The following RBFOX1 variants were observed in gnomAD, a reference collection of about 807,000 sequenced individuals.
RBFOX1 encodes RNA binding fox-1 homolog 1, also known as RNA binding protein fox-1 homolog 1.
A neutral mutation model predicts 57.7 loss-of-function variants in RBFOX1; 8 were observed. That is an observed-to-expected ratio of 0.14 (90% CI 0.08 to 0.25). The LOEUF (loss-of-function observed/expected upper bound fraction) is 0.25, where lower values mean the gene tolerates loss of function less well. RBFOX1 is among the 10% of genes least tolerant of loss of function. The probability of loss-of-function intolerance (pLI) is 1.00; values close to 1 mark genes in which losing one functional copy is unlikely to be tolerated. For missense variants in RBFOX1, 611 were observed against 548.5 expected (o/e 1.11, Z -1.14); for synonymous variants, 326 against 222.4 (o/e 1.47, Z -4.15).
intron 4 of RBFOX1, among the ~76,000 whole-genome samples, chr16:7,085,464 C>T (rs1374453206): frequency 6.6e-6 from 1 of 152,152 alleles, no homozygotes; most frequent in East Asian, 1.9e-4. Context: ...AAATGAACTG[C>T]ACCGTCAGGG....
intron 13 of RBFOX1, among the ~76,000 whole-genome samples, chr16:7,675,948 C>A (rs2073147382): frequency 6.6e-6 from 1 of 152,208 alleles, no homozygotes. Context: ...ACAGTTTGAT[C>A]ATCAACGCTC....
intron 3 of RBFOX1, among the ~76,000 whole-genome samples, chr16:6,678,193 G>T (rs572265669): frequency 6.6e-6 from 1 of 152,164 alleles, no homozygotes; most frequent in African/African-American, 2.4e-5. Flanking sequence ...GCACAATCTC[G>T]GTTCACTGCA....
chr16:5,759,986 C>G (rs1037443791), intron 3 of RBFOX1, among the ~76,000 whole-genome samples: 1 of 148,580 alleles, frequency 6.7e-6, no homozygotes, highest in African/African-American at 2.5e-5. Flanking sequence ...TTGTAGATGG[C>G]TATAAATATC....
At chr16:6,719,443 C>T (rs971349687) in intron 3 of RBFOX1, among the ~76,000 whole-genome samples, 4 of 137,858 alleles carry the variant, frequency 2.9e-5, no homozygotes, top group Admixed American at 1.4e-4. Flanking sequence ...TCAAAATAAC[C>T]TGTTTTTTTT....
At chr16:6,705,387 G>T (rs181079549) in intron 3 of RBFOX1, 1 of 152,270 alleles carries the variant, frequency 6.6e-6, no homozygotes, top group African/African-American at 2.4e-5. Flanking sequence ...GCTTAATTGG[G>T]ACACAGATGG....
At chr16:7,471,806 T>C (rs1647510954) in intron 4 of RBFOX1, among the ~76,000 whole-genome samples, 1 of 152,228 alleles carries the variant, frequency 6.6e-6, no homozygotes, top group Non-Finnish European at 1.5e-5. Context: ...GATTCTCTAC[T>C]GTCTGGGAGC....
At chr16:6,700,798 A>G (rs913236580) in intron 3 of RBFOX1, among the ~76,000 whole-genome samples, 12 of 152,322 alleles carry the variant, frequency 7.9e-5, no homozygotes, top group African/African-American at 2.9e-4. Flanking sequence ...TATCCCAGCA[A>G]GTAATTAAAA....
intron 4 of RBFOX1, among the ~76,000 whole-genome samples, chr16:7,377,741 G>C (rs2097710517): frequency 6.6e-6 from 1 of 152,180 alleles, no homozygotes; most frequent in Non-Finnish European, 1.5e-5. Context: ...AGAGACACAG[G>C]GGTAAACAAG....
chr16:7,559,557 A>G (rs559854077), intron 5 of RBFOX1, among the ~76,000 whole-genome samples: 46 of 152,302 alleles, frequency 3.0e-4, no homozygotes, highest in Non-Finnish European at 5.4e-4. Context: ...AGAGCAGCCC[A>G]AGAATTGTGT....
intron 2 of RBFOX1, among the ~76,000 whole-genome samples, chr16:6,637,463 AT>A: frequency 1.2e-5 from 1 of 84,986 alleles, no homozygotes; most frequent in Non-Finnish European, 2.2e-5. Flanking sequence ...TATAATATGT[AT>A]TATATATTAT....
chr16:6,543,460 A>C (rs1567621511), intron 2 of RBFOX1, among the ~76,000 whole-genome samples: 1 of 151,320 alleles, frequency 6.6e-6, no homozygotes, highest in Non-Finnish European at 1.5e-5. Flanking sequence ...TTCTTTCTTG[A>C]CTCTGACATG....
chr16:7,152,487 G>C (rs1445855798), intron 4 of RBFOX1, among the ~76,000 whole-genome samples: 1 of 152,108 alleles, frequency 6.6e-6, no homozygotes, highest in African/African-American at 2.4e-5. Flanking sequence ...ATTTCAACTA[G>C]GATCTTTAAA....
intron 3 of RBFOX1, among the ~76,000 whole-genome samples, chr16:5,703,468 C>T (rs981809148): frequency 2.6e-5 from 4 of 152,266 alleles, no homozygotes; most frequent in South Asian, 2.1e-4. Context: ...TGGCATGAGG[C>T]GAAGCCAGAG....
intron 2 of RBFOX1, among the ~76,000 whole-genome samples, chr16:6,395,172 C>G (rs988025476): frequency 3.9e-5 from 6 of 152,164 alleles, no homozygotes; most frequent in African/African-American, 1.4e-4. Context: ...GAATTATTGT[C>G]TAAGGACTAC....
chr16:6,890,692 G>A (rs188551364), intron 3 of RBFOX1, among the ~76,000 whole-genome samples: 29 of 152,260 alleles, frequency 1.9e-4, no homozygotes, highest in African/African-American at 6.5e-4. Context: ...CAGTTTCCTG[G>A]GATTTCCGTA....
chr16:6,277,836 A>G lies in RBFOX1; in HGVS notation c.-126-39159A>G, dbSNP rs1432607029. Among the ~76,000 whole-genome samples the G allele has an allele frequency of 3.9e-5, 6 of 152,238 alleles. No homozygotes were observed. The East Asian group carries it at 1.2e-3, about 29-fold the overall frequency. ...ATACAAGATTCTGATTGCGATTAGGATTACTTTAGAAACTTTTGATCTGCT... is the reference window on the plus strand; with the variant it reads ...ATACAAGATTCTGATTGCGATTAGGGTTACTTTAGAAACTTTTGATCTGCT... On this transcript the variant is annotated intron_variant, in intron 1 of 15. Coordinates refer to ENST00000550418, the MANE Select transcript of RBFOX1 (RefSeq NM_018723.4).
At chr16:5,500,402 C>T (rs974977775) in intron 2 of RBFOX1, among the ~76,000 whole-genome samples, 6 of 151,984 alleles carry the variant, frequency 3.9e-5, no homozygotes, top group Non-Finnish European at 2.9e-5. Context: ...CTTTAATTTT[C>T]TGTAGAGATG....
intron 1 of RBFOX1, among the ~76,000 whole-genome samples, chr16:5,374,454 C>T (rs1183534025): frequency 6.6e-6 from 1 of 151,948 alleles, no homozygotes; most frequent in Non-Finnish European, 1.5e-5. Context: ...AGGAGGGAGC[C>T]CTGTGAGAAA....
intron 2 of RBFOX1, among the ~76,000 whole-genome samples, chr16:6,340,283 C>T (rs1406385919): frequency 6.6e-6 from 1 of 152,020 alleles, no homozygotes; most frequent in Non-Finnish European, 1.5e-5. Flanking sequence ...GAGAGTTAGG[C>T]CTAGCTCACT....
Sources: gnomAD v4.1 joint callset for allele counts (sites outside exome capture counted in the v4.1 genomes callset) on GRCh38, gnomAD v4.1.1 for gene constraint, MANE v1.5 for transcripts, NCBI Gene and HGNC (gene_info 2026-07-23, HGNC 2026-07-21) for gene names.